Variants in NTN4 observed in about 807,000 individuals in gnomAD.
NTN4 encodes the protein netrin-4.
In NTN4, 32 loss-of-function variants were observed where a neutral mutation model predicts 73.6. That is an observed-to-expected ratio of 0.44 (90% CI 0.33 to 0.58). The LOEUF is 0.58. Among genes scored for constraint, NTN4 ranks in the 20% least tolerant of loss-of-function variants. The probability of loss-of-function intolerance (pLI) is 0.04; values close to 1 mark genes in which losing one functional copy is unlikely to be tolerated. For synonymous variants in NTN4, 258 were observed against 287.5 expected, an observed-to-expected ratio of 0.90 and a Z score of 1.04; for missense variants, 654 against 798.3, an observed-to-expected ratio of 0.82 and a Z score of 2.18.
chr12:95,772,517 T>C (rs2079064793), intron 2 of NTN4, among the ~76,000 whole-genome samples: 1 of 152,212 alleles, frequency 6.6e-6, no homozygotes, highest in Non-Finnish European at 1.5e-5. Flanking sequence ...CCAGCTTTTC[T>C]GAACTCTAAA....
intron 2 of NTN4, among the ~76,000 whole-genome samples, chr12:95,757,240 T>C (rs1266250169): frequency 6.6e-6 from 1 of 152,150 alleles, no homozygotes; most frequent in Non-Finnish European, 1.5e-5. Flanking sequence ...TTTTATCTCA[T>C]TTCATCCTTA....
intron 2 of NTN4, among the ~76,000 whole-genome samples, chr12:95,747,622 G>A (rs2078871716): frequency 1.3e-5 from 2 of 151,962 alleles, no homozygotes. Flanking sequence ...TTTTTTGTGT[G>A]TGTGTTTATG....
At chr12:95,728,863 C>G (rs995701522) in intron 3 of NTN4, among the ~76,000 whole-genome samples, 2 of 152,182 alleles carry the variant, frequency 1.3e-5, no homozygotes, top group South Asian at 2.1e-4. Context: ...CCCCTTGGCA[C>G]TGCCCTCAGG....
Position 95,790,583 on chromosome 12 carries a change from C to T in NTN4, c.-274G>A. On this transcript the variant is annotated 5_prime_UTR_variant, in exon 1 of 10. Transcript: ENST00000343702. This position sits in a 1 kb window ranked among gnomAD's most constrained non-coding sequence, Gnocchi z 6.5. ...CCCGGGACCATAGCCGGCCTGGCTG[C>T]GCTGCCCCGCGGAGCGGCCCTGCGG... The T allele has an allele frequency of 3.7e-6, 1 of 270,592 alleles. No homozygotes were observed. The highest frequency in any genetic ancestry group is 6.9e-6 in the Non-Finnish European group (1 of 145,020). The allele number at this position is 270,592 out of a possible 1,614,324, so 16.8% of individuals were successfully genotyped here. A position where few individuals can be genotyped will look rare whatever the true frequency, so the allele number is the denominator to read the frequency against.
intron 2 of NTN4, among the ~76,000 whole-genome samples, chr12:95,744,833 CTTTTTT>C (rs59086846): frequency 8.5e-6 from 1 of 118,260 alleles, no homozygotes. Flanking sequence ...TGGTGAAAAA[CTTTTTT>C]TTTTTTTTTT....
At chr12:95,694,994 G>A (rs1029189874) in intron 5 of NTN4, among the ~76,000 whole-genome samples, 17 of 152,120 alleles carry the variant, frequency 1.1e-4, no homozygotes, top group Admixed American at 3.3e-4. Context: ...TGGGTGTGGC[G>A]GTGCAAACCT....
At chr12:95,760,632 C>A (rs75785244) in intron 2 of NTN4, among the ~76,000 whole-genome samples, 23 of 151,198 alleles carry the variant, frequency 1.5e-4, no homozygotes, top group African/African-American at 5.6e-4. Flanking sequence ...TTTCTCAGAG[C>A]ACGGTCTTGT....
chr12:95,758,887 A>T (rs1217952066), intron 2 of NTN4, among the ~76,000 whole-genome samples: 1 of 152,182 alleles, frequency 6.6e-6, no homozygotes, highest in African/African-American at 2.4e-5. Context: ...TCAGTTTACC[A>T]GTATTTCTCT....
intron 9 of NTN4, among the ~76,000 whole-genome samples, chr12:95,660,238 C>T (rs921876304): frequency 2.0e-5 from 3 of 152,152 alleles, no homozygotes; most frequent in Admixed American, 6.5e-5. Context: ...TGGTCTCGAA[C>T]TCCTGACCTC....
At position 95,758,948 on chromosome 12, in the gene NTN4, C is replaced by T. The variant is rs2078966017; in HGVS notation, c.586-20804G>A. Among the ~76,000 whole-genome samples, 3 of 152,306 alleles carry T rather than the reference C, an allele frequency of 2.0e-5. No homozygotes were observed. In the South Asian group the frequency reaches 6.2e-4, roughly 32 times the overall value. ...CCATTCTAAGAAATTTTTGCCTAAA[C>T]TCAAGGTCATAAATATTTTCTCCTA... On this transcript the variant is annotated intron_variant, in intron 2 of 9. Coordinates refer to ENST00000343702, the MANE Select transcript of NTN4 (RefSeq NM_021229.4).
chr12:95,665,154 C>G (rs1377440093), intron 9 of NTN4, among the ~76,000 whole-genome samples: 1 of 152,112 alleles, frequency 6.6e-6, no homozygotes, highest in Non-Finnish European at 1.5e-5. Context: ...CCCAGGATAA[C>G]CATGCGCTTG....
chr12:95,674,779 A>G (rs896498729), intron 7 of NTN4, among the ~76,000 whole-genome samples: 3 of 152,212 alleles, frequency 2.0e-5, no homozygotes, highest in African/African-American at 4.8e-5. Context: ...AGGGAACTCA[A>G]TAAAGTCTTC....
At chr12:95,748,476 C>CTTTTTTTTTTTTTT (rs762351453) in intron 2 of NTN4, among the ~76,000 whole-genome samples, 1 of 105,948 alleles carries the variant, frequency 9.4e-6, no homozygotes, top group African/African-American at 3.5e-5. Context: ...ATTTTCTTTT[C>CTTTTTTTTTTTTTT]TTTTTTTTTT....
chr12:95,714,242 T>A (rs2078589316), intron 3 of NTN4, among the ~76,000 whole-genome samples: 1 of 152,218 alleles, frequency 6.6e-6, no homozygotes, highest in South Asian at 2.1e-4. Flanking sequence ...CTGAACTATC[T>A]CCTGATAACT....
intron 2 of NTN4, among the ~76,000 whole-genome samples, chr12:95,759,919 G>C (rs916704561): frequency 5.9e-5 from 9 of 152,002 alleles, no homozygotes; most frequent in African/African-American, 2.2e-4. Flanking sequence ...GTCCTGGCTT[G>C]CTAATTCTAC....
chr12:95,734,855 C>T (rs1221354375), intron 3 of NTN4, among the ~76,000 whole-genome samples: 1 of 152,134 alleles, frequency 6.6e-6, no homozygotes, highest in African/African-American at 2.4e-5. Flanking sequence ...GCCTGACCAA[C>T]ATGGAGAAAC....
At chr12:95,751,263 G>A (rs1565907287) in intron 2 of NTN4, among the ~76,000 whole-genome samples, 1 of 149,252 alleles carries the variant, frequency 6.7e-6, no homozygotes, top group African/African-American at 2.6e-5. Context: ...TCCACTGTGA[G>A]ACAAACCCCA....
rs375653927 is a variant in NTN4, at chr12:95,747,814, T to C, written c.586-9670A>G. ...ATTTTTATAATGTACATTTCATTAATAAGCAAAAATTCTAGGTACATATTG... is the reference window on the plus strand; with the variant it reads ...ATTTTTATAATGTACATTTCATTAACAAGCAAAAATTCTAGGTACATATTG... On this transcript the variant is annotated intron_variant, in intron 2 of 9. Coordinates refer to ENST00000343702, the MANE Select transcript of NTN4 (RefSeq NM_021229.4). Among the ~76,000 whole-genome samples, 6 of 152,338 alleles carry C rather than the reference T, an allele frequency of 3.9e-5. No homozygotes were observed. In the East Asian group the frequency reaches 9.6e-4, roughly 24 times the overall value.
chr12:95,699,089 T>G (rs1219789730), intron 5 of NTN4, among the ~76,000 whole-genome samples: 1 of 152,044 alleles, frequency 6.6e-6, no homozygotes, highest in Non-Finnish European at 1.5e-5. Flanking sequence ...CTGTTCTATT[T>G]AAAGTGTGGT....
Sources: allele counts gnomAD v4.1 joint callset (sites outside exome capture counted in the v4.1 genomes callset), GRCh38; gene constraint gnomAD v4.1.1; non-coding constraint Gnocchi (gnomAD v3.1); transcripts MANE v1.5; gene names NCBI Gene and HGNC (gene_info 2026-07-23, HGNC 2026-07-21).